The following RRAGB variants were observed in gnomAD, a reference collection of about 807,000 sequenced individuals.
RRAGB encodes Ras related GTP binding B, also known as ras-related GTP-binding protein B.
Under a neutral mutation model 29.3 loss-of-function variants are expected in RRAGB, and 6 were observed. The ratio of observed to expected loss-of-function variants is 0.21; its 90% CI spans 0.11 to 0.40. RRAGB has a LOEUF of 0.40. Among genes scored for constraint, RRAGB ranks in the 10% least tolerant of loss-of-function variants. The pLI is 1.00. For synonymous variants in RRAGB, 101 were observed against 92.5 expected (o/e 1.09, Z -0.53); for missense variants, 184 against 272.9 (o/e 0.67, Z 2.29).
intron 8 of RRAGB, among the ~76,000 whole-genome samples, chrX:55,756,572 A>G (rs999986328): frequency 8.9e-6 from 1 of 112,580 alleles, no homozygotes; most frequent in Non-Finnish European, 1.9e-5. Context: ...TTATGCTAAC[A>G]TTTTGAAGAA....
At chrX:55,752,111 T>A in intron 6 of RRAGB, 2 of 327,928 alleles carry the variant, frequency 6.1e-6, no homozygotes, top group Non-Finnish European at 7.9e-6. Context: ...TTTTTTTAAC[T>A]AATTCATTTT....
At chrX:55,724,329 C>T (rs997951397) in intron 3 of RRAGB, among the ~76,000 whole-genome samples, 11 of 112,083 alleles carry the variant, frequency 9.8e-5, no homozygotes, top group African/African-American at 3.6e-4. Flanking sequence ...CAAGTCCAAT[C>T]CCTTTTTCCT....
chrX:55,751,211 C>G lies in RRAGB; in HGVS notation c.612+15C>G, dbSNP rs374958434. On this transcript the variant is annotated intron_variant, in intron 6 of 9. Transcript: ENST00000374941. ...CCCTCTATAAGGTGTGTATGTCTCC[C>G]TGAGTTCCCTCATTTTAAGAGCATG... The G allele has an allele frequency of 2.2e-6, 2 of 917,351 alleles. No individual in the cohort carries two copies. Among genetic ancestry groups the G allele is most frequent in the Non-Finnish European group, 3.1e-6 (2 of 647,144 alleles). 75.6% of individuals were successfully genotyped at this position (917,351 alleles called of 1,213,427 possible). A position where few individuals can be genotyped will look rare whatever the true frequency, so the allele number is the denominator to read the frequency against.
rs2033129654 is a variant in RRAGB, at chrX:55,718,345, T to C, written c.18T>C (p.Ser6=). 2 of 1,205,539 alleles carry C rather than the reference T, an allele frequency of 1.7e-6. No homozygotes were observed. Among genetic ancestry groups the C allele is most frequent in the East Asian group, 3.0e-5 (1 of 33,767 alleles). ...GTTGCGCAATGGAAGAATCTGACTCTGAGAAAACGACGGAGAAAGAAAATC... is the reference window on the plus strand; with the variant it reads ...GTTGCGCAATGGAAGAATCTGACTCCGAGAAAACGACGGAGAAAGAAAATC... MEESD[S]EKTTEKENLG... is the part of the protein sequence containing the mutation. Residue 6 remains serine, a synonymous_variant, in exon 1 of 10, where the codon TCT becomes TCC. Coordinates refer to ENST00000374941, the MANE Select transcript of RRAGB (RefSeq NM_006064.5).
chrX:55,721,122 C>T (rs1394849837), intron 2 of RRAGB, among the ~76,000 whole-genome samples: 6 of 111,094 alleles, frequency 5.4e-5, no homozygotes, highest in Non-Finnish European at 9.4e-5. Context: ...TACTCTCTTG[C>T]TTTCTATATT....
intron 1 of RRAGB, among the ~76,000 whole-genome samples, chrX:55,718,956 A>T (rs1181220759): frequency 8.9e-6 from 1 of 112,008 alleles, no homozygotes; most frequent in African/African-American, 3.2e-5. Context: ...CAAGTAGAGG[A>T]TATCAATATA....
chrX:55,745,653 C>T (rs1212483662), intron 5 of RRAGB, among the ~76,000 whole-genome samples: 1 of 112,121 alleles, frequency 8.9e-6, no homozygotes, highest in Admixed American at 9.4e-5. Flanking sequence ...TGCAATCCTT[C>T]CAGGAATATG....
intron 7 of RRAGB, chrX:55,755,154 T>A (rs1370356245): frequency 1.3e-6 from 1 of 750,927 alleles, no homozygotes; most frequent in Non-Finnish European, 1.6e-6. Flanking sequence ...ATAGAAATTA[T>A]GTTTTGAAAT....
At chrX:55,753,117 A>C (rs2034566597) in intron 6 of RRAGB, among the ~76,000 whole-genome samples, 1 of 112,407 alleles carries the variant, frequency 8.9e-6, no homozygotes, top group African/African-American at 3.2e-5. Flanking sequence ...ATGGCATTAA[A>C]TATTTGTTTG....
At chrX:55,725,609 C>T (rs1409193674) in intron 3 of RRAGB, among the ~76,000 whole-genome samples, 2 of 111,302 alleles carry the variant, frequency 1.8e-5, no homozygotes, top group South Asian at 3.7e-4. Flanking sequence ...AAACTTAGAG[C>T]CTGCTGTGTT....
intron 5 of RRAGB, among the ~76,000 whole-genome samples, chrX:55,745,021 C>G (rs1472321077): frequency 8.9e-6 from 1 of 111,815 alleles, no homozygotes; most frequent in Non-Finnish European, 1.9e-5. Context: ...TTATCCTTCA[C>G]CTTAGAAGGG....
intron 6 of RRAGB, among the ~76,000 whole-genome samples, chrX:55,752,821 A>G (rs924108325): frequency 8.9e-6 from 1 of 112,282 alleles, no homozygotes; most frequent in Non-Finnish European, 1.9e-5. Flanking sequence ...ACCATTTTGA[A>G]TTCAATTGGA....
In RRAGB at chrX:55,729,340, G is replaced by A; in HGVS notation, c.273G>A (p.Leu91=). ...TTCGATTTCTGGGAAACCTGGTATT[G>A]AACCTGTGGGATTGTGGTGGGTAAG... ...SHVRFLGNLV[L]NLWDCGGQDT... The change falls in exon 4 of 10, where the codon TTG becomes TTA. Residue 91 remains leucine (L), a synonymous_variant. Transcript: ENST00000374941. The A allele has an allele frequency of 8.4e-7, 1 of 1,196,728 alleles. No homozygotes were observed. Among genetic ancestry groups the A allele is most frequent in the Admixed American group, 2.2e-5 (1 of 45,757 alleles).
chrX:55,721,451 T>C (rs1237179440), intron 2 of RRAGB, among the ~76,000 whole-genome samples: 2 of 111,890 alleles, frequency 1.8e-5, no homozygotes, highest in African/African-American at 3.3e-5. Flanking sequence ...AGAGAATGGA[T>C]AGTTTACTGG....
At chrX:55,754,494 A>G (rs1008247441) in intron 7 of RRAGB, among the ~76,000 whole-genome samples, 1 of 112,434 alleles carries the variant, frequency 8.9e-6, no homozygotes, top group Admixed American at 9.4e-5. Context: ...CCAGTAAATA[A>G]TTTGTTTCTG....
At chrX:55,753,970 G>A (rs1438262101) in intron 7 of RRAGB, among the ~76,000 whole-genome samples, 4 of 111,856 alleles carry the variant, frequency 3.6e-5, no homozygotes, top group African/African-American at 1.3e-4. Context: ...GCTTGAACTC[G>A]GGAGGCGGAG....
chrX:55,736,085 G>C (rs1250639808), intron 5 of RRAGB, among the ~76,000 whole-genome samples: 1 of 111,902 alleles, frequency 8.9e-6, no homozygotes, highest in Non-Finnish European at 1.9e-5. Context: ...ACTTGGTAAT[G>C]TCTTTTTTTA....
In RRAGB at chrX:55,749,514, A is replaced by G. The variant is rs1490767446; in HGVS notation, c.517-1587A>G. Among the ~76,000 whole-genome samples the G allele has an allele frequency of 2.5e-4, 28 of 110,979 alleles. 1 individual carries two copies. The highest frequency in any genetic ancestry group is 2.2e-3 in the Admixed American group (23 of 10,689). ...AAGTGAGGAGCCCCTCTGCCCGGCCACCACCCCATCTGGGAGGTGTACCCA... is the reference window on the plus strand; with the variant it reads ...AAGTGAGGAGCCCCTCTGCCCGGCCGCCACCCCATCTGGGAGGTGTACCCA... On this transcript the variant is annotated intron_variant, in intron 5 of 9. Transcript: ENST00000374941.
intron 5 of RRAGB, among the ~76,000 whole-genome samples, chrX:55,734,354 G>A (rs1027690053): frequency 9.2e-6 from 1 of 108,801 alleles, no homozygotes; most frequent in Admixed American, 9.8e-5. Context: ...TGAAGCTTGT[G>A]TGGTTGTATA....
Sources: gnomAD v4.1 joint callset for allele counts (sites outside exome capture counted in the v4.1 genomes callset) on GRCh38, gnomAD v4.1.1 for gene constraint, MANE v1.5 for transcripts, NCBI Gene and HGNC (gene_info 2026-07-23, HGNC 2026-07-21) for gene names.